ATP11A: variants seen among roughly 807,000 people sequenced by gnomAD.
ATP11A encodes ATPase phospholipid transporting 11A, also known as phospholipid-transporting ATPase IH.
In ATP11A, 81 loss-of-function variants were observed where a neutral mutation model predicts 154.4. The ratio of observed to expected loss-of-function variants is 0.52; its 90% CI spans 0.44 to 0.63. The LOEUF is 0.63. Among genes scored for constraint, ATP11A ranks in the 30% least tolerant of loss-of-function variants. ATP11A has a pLI of 0.00. For synonymous variants in ATP11A, 623 were observed against 585.9 expected (o/e 1.06, Z -0.91); for missense variants, 1,316 against 1,474.3 (o/e 0.89, Z 1.76).
At chr13:112,854,223 A>AT (rs11424633) in intron 18 of ATP11A, 56 bp from the exon 19 acceptor site, 517,112 of 1,573,124 alleles carry the variant, frequency 0.33, 92,243 homozygotes, top group African/African-American at 0.7. Flanking sequence ...CCTTATTTGG[A>AT]TTCCTGGGTC....
At chr13:112,802,149 C>T (rs1216257866) in intron 2 of ATP11A, among the ~76,000 whole-genome samples, 3 of 152,078 alleles carry the variant, frequency 2.0e-5, no homozygotes, top group Non-Finnish European at 4.4e-5. Flanking sequence ...TTGAGACCAA[C>T]CTGGCCAACA....
chr13:112,780,338 C>T (rs2077467300), intron 1 of ATP11A, among the ~76,000 whole-genome samples: 1 of 152,148 alleles, frequency 6.6e-6, no homozygotes, highest in Non-Finnish European at 1.5e-5. Flanking sequence ...GGTTTTCACC[C>T]CCGGGCAGGG....
rs1390444210 is a variant in ATP11A at position 112,697,013 on chromosome 13, A to AT, written c.39+6559dup. On this transcript the variant is annotated intron_variant, in intron 1 of 29. Coordinates refer to ENST00000375645, the MANE Select transcript of ATP11A (RefSeq NM_015205.3). This position sits in a 1 kb window ranked among gnomAD's most constrained non-coding sequence, Gnocchi z 4.0. ...GGCGGGTGGGCGAGGCGGGTGGAGG[A>AT]TGCGTGGGGCGCAGTGCTTGCGCGC... The AT allele has an allele frequency of 9.8e-5, 15 of 152,480 alleles. No homozygotes were observed. Among genetic ancestry groups the AT allele is most frequent in the African/African-American group, 3.1e-4 (13 of 41,462 alleles). The allele number at this position is 152,480 out of a possible 1,614,324, so 9.4% of individuals were successfully genotyped here.
intron 22 of ATP11A, 44 bp downstream of exon 22, chr13:112,858,334 A>C: frequency 6.3e-7 from 1 of 1,578,964 alleles, no homozygotes; most frequent in Non-Finnish European, 8.6e-7. Flanking sequence ...GCAACAGGTC[A>C]CGCACAGGGT....
At position 112,690,104 on chromosome 13, in the gene ATP11A, G is replaced by A. The variant is rs1175786516; in HGVS notation, c.-313G>A. Reference sequence around the variant, plus strand: ...GAGCGCAGGCTCCGCCGCGGCCGGGGTGCTCCAGCCGAGCCCAACCGAGCG... The same window carrying A: ...GAGCGCAGGCTCCGCCGCGGCCGGGATGCTCCAGCCGAGCCCAACCGAGCG... On this transcript the variant is annotated 5_prime_UTR_variant, in exon 1 of 30. In the 5' UTR this introduces an upstream ATG that the reference lacks. Transcript: ENST00000375645. This position sits in a 1 kb window ranked among gnomAD's most constrained non-coding sequence, Gnocchi z 5.6. Among the ~76,000 whole-genome samples, 1 of 148,482 alleles carries A rather than the reference G, an allele frequency of 6.7e-6. No homozygotes were observed. The highest frequency in any genetic ancestry group is 1.5e-5 in the Non-Finnish European group (1 of 66,492).
At position 112,855,808 on chromosome 13, in the gene ATP11A, C is replaced by A; in HGVS notation, c.2244-103C>A. 4 of 1,075,960 alleles carry A rather than the reference C, an allele frequency of 3.7e-6. No homozygotes were observed. In the South Asian group the frequency reaches 7.1e-5, roughly 19 times the overall value. The allele number at this position is 1,075,960 out of a possible 1,614,324, so 66.7% of individuals were successfully genotyped here. ...AAACAAGAAACACTAGTTTCTTAATCCCATGGATTTGTAGCATCTGTCGAT... is the reference window on the plus strand; with the variant it reads ...AAACAAGAAACACTAGTTTCTTAATACCATGGATTTGTAGCATCTGTCGAT... On this transcript the variant is annotated intron_variant, in intron 19 of 29. Transcript: ENST00000375645.
chr13:112,852,831 A>G (rs973153938), intron 18 of ATP11A, among the ~76,000 whole-genome samples: 2 of 151,982 alleles, frequency 1.3e-5, no homozygotes, highest in Admixed American at 1.3e-4. Flanking sequence ...TTGCTTATAA[A>G]TTATTTCCTT....
chr13:112,715,178 G>A (rs796234540), intron 1 of ATP11A, among the ~76,000 whole-genome samples: 26 of 152,242 alleles, frequency 1.7e-4, no homozygotes, highest in African/African-American at 6.0e-4. Flanking sequence ...GTTTCCTGCG[G>A]CAGCTTTTCC....
At position 112,819,900 on chromosome 13, in the gene ATP11A, G is replaced by A; in HGVS notation, c.675G>A (p.Lys225=). The A allele has an allele frequency of 6.2e-7, 1 of 1,614,112 alleles. No individual in the cohort carries two copies. Among genetic ancestry groups the A allele is most frequent in the Non-Finnish European group, 8.5e-7 (1 of 1,179,992 alleles). The change falls in exon 8 of 30, where the codon AAG becomes AAA. Residue 225 remains lysine, a splice_region_variant and synonymous_variant. Transcript: ENST00000375645. Reference sequence around the variant, plus strand: ...AGTAACGTGGCTTTTCTGTCGCCAGGTTCGTGGGTCGCATCAACGTTTACA... The same window carrying A: ...AGTAACGTGGCTTTTCTGTCGCCAGATTCGTGGGTCGCATCAACGTTTACA... ...ECEQPQPDLY[K]FVGRINVYSD...
At chr13:112,871,612 A>G in intron 25 of ATP11A, 123 bp from the exon 26 acceptor site, 2 of 887,328 alleles carry the variant, frequency 2.3e-6, no homozygotes, top group Admixed American at 1.9e-5. Context: ...TAGTGCTTAT[A>G]TCTTTGGGGT....
At chr13:112,781,808 T>C (rs1042256043) in intron 1 of ATP11A, among the ~76,000 whole-genome samples, 1 of 117,960 alleles carries the variant, frequency 8.5e-6, no homozygotes, top group Non-Finnish European at 2.0e-5. Flanking sequence ...AAAAAAGAAT[T>C]TGAACATTTG....
chr13:112,715,148 T>C (rs892063761), intron 1 of ATP11A, among the ~76,000 whole-genome samples: 3 of 152,186 alleles, frequency 2.0e-5, no homozygotes, highest in Non-Finnish European at 4.4e-5. Flanking sequence ...CACATTCACC[T>C]GTTGAAGGAC....
intron 1 of ATP11A, among the ~76,000 whole-genome samples, chr13:112,715,233 A>C: frequency 6.6e-6 from 1 of 152,094 alleles, no homozygotes; most frequent in East Asian, 1.9e-4. Context: ...AGGTGCCCCA[A>C]ACTCGATTGC....
At chr13:112,832,642 C>T (rs377673874) in intron 13 of ATP11A, among the ~76,000 whole-genome samples, 2 of 152,312 alleles carry the variant, frequency 1.3e-5, no homozygotes, top group South Asian at 2.1e-4. Flanking sequence ...CCCGTTTAGC[C>T]TTCCTCACCC....
intron 25 of ATP11A, among the ~76,000 whole-genome samples, chr13:112,870,739 C>A (rs991050623): frequency 5.3e-4 from 80 of 152,350 alleles, no homozygotes; most frequent in African/African-American, 1.8e-3. Context: ...ATCCGATAAA[C>A]TAGAAATCGT....
intron 26 of ATP11A, among the ~76,000 whole-genome samples, chr13:112,872,980 G>A (rs4907466): frequency 0.11 from 3,026 of 28,168 alleles, 66 homozygotes; most frequent in East Asian, 0.2. Context: ...CTTCCTGAGC[G>A]GTGTGAGGTG....
At chr13:112,806,648 TTTTG>T (rs141951982) in intron 4 of ATP11A, among the ~76,000 whole-genome samples, 1,670 of 152,198 alleles carry the variant, frequency 0.011, 34 homozygotes, top group African/African-American at 0.038. Flanking sequence ...GGATGCTGTT[TTTTG>T]TTTGTTTGTT....
intron 1 of ATP11A, among the ~76,000 whole-genome samples, chr13:112,706,008 C>T (rs1295547992): frequency 6.6e-6 from 1 of 152,146 alleles, no homozygotes; most frequent in Non-Finnish European, 1.5e-5. Context: ...TTTCATCATC[C>T]CAAACTGAAA....
intron 8 of ATP11A, among the ~76,000 whole-genome samples, chr13:112,822,883 G>T (rs907282219): frequency 6.6e-6 from 1 of 152,186 alleles, no homozygotes; most frequent in Non-Finnish European, 1.5e-5. Context: ...TTAGGAGAGG[G>T]CTGCTGGGCC....
Sources: gnomAD v4.1 joint callset for allele counts (sites outside exome capture counted in the v4.1 genomes callset) on GRCh38, gnomAD v4.1.1 for gene constraint, Gnocchi (gnomAD v3.1) non-coding constraint, MANE v1.5 for transcripts, NCBI Gene and HGNC (gene_info 2026-07-23, HGNC 2026-07-21) for gene names.